Variants in FRMD5 observed in about 807,000 individuals in gnomAD.
FRMD5 encodes FERM domain containing 5.
In FRMD5, 20 loss-of-function variants were observed where a neutral mutation model predicts 69.0. The ratio of observed to expected loss-of-function variants is 0.29; its 90% CI spans 0.20 to 0.42. The LOEUF (loss-of-function observed/expected upper bound fraction) is 0.42, where lower values mean the gene tolerates loss of function less well. Among genes scored for constraint, FRMD5 ranks in the 10% least tolerant of loss-of-function variants. FRMD5 has a pLI of 1.00. For missense variants in FRMD5, 595 were observed against 708.6 expected (o/e 0.84, Z 1.82); for synonymous variants, 271 against 260.1 (o/e 1.04, Z -0.40).
chr15:43,987,077 G>C (rs527410308), intron 1 of FRMD5, among the ~76,000 whole-genome samples: 1 of 152,228 alleles, frequency 6.6e-6, no homozygotes, highest in Admixed American at 6.5e-5. Context: ...TCCACTGACA[G>C]GGTATTCCTC....
intron 1 of FRMD5, among the ~76,000 whole-genome samples, chr15:44,052,339 T>A (rs1892704066): frequency 6.6e-6 from 1 of 152,210 alleles, no homozygotes; most frequent in South Asian, 2.1e-4. Flanking sequence ...CCATTGTGTT[T>A]CTTTTGAGCA....
intron 2 of FRMD5, among the ~76,000 whole-genome samples, chr15:43,923,472 G>C (rs2089531355): frequency 6.6e-6 from 1 of 152,208 alleles, no homozygotes; most frequent in Admixed American, 6.5e-5. Flanking sequence ...GCTGGAAGAA[G>C]GGTGTGGAGT....
chr15:44,060,957 T>A (rs1353694566), intron 1 of FRMD5, among the ~76,000 whole-genome samples: 2 of 152,362 alleles, frequency 1.3e-5, no homozygotes, highest in East Asian at 3.9e-4. Context: ...TCCTCCACAG[T>A]ACTTAGACAT....
At chr15:44,073,609 T>C (rs1893631250) in intron 1 of FRMD5, among the ~76,000 whole-genome samples, 1 of 152,192 alleles carries the variant, frequency 6.6e-6, no homozygotes, top group African/African-American at 2.4e-5. Flanking sequence ...CATAGTTTCA[T>C]CCTTGGTTTT....
intron 1 of FRMD5, among the ~76,000 whole-genome samples, chr15:44,061,233 T>G (rs2140379698): frequency 6.6e-6 from 1 of 152,306 alleles, no homozygotes; most frequent in South Asian, 2.1e-4. Flanking sequence ...AACCTAGACA[T>G]TCCAGCTTTT....
intron 1 of FRMD5, among the ~76,000 whole-genome samples, chr15:44,060,163 C>T (rs1391152493): frequency 6.6e-6 from 1 of 152,182 alleles, no homozygotes; most frequent in Non-Finnish European, 1.5e-5. Context: ...GACACTGGCA[C>T]ATAAGAAAGC....
At chr15:44,100,683 CTA>C (rs1389271935) in intron 1 of FRMD5, among the ~76,000 whole-genome samples, 1 of 152,194 alleles carries the variant, frequency 6.6e-6, no homozygotes, top group Admixed American at 6.5e-5. Context: ...CAAGGAGGTG[CTA>C]TCTCCCAAGG....
intron 1 of FRMD5, chr15:43,989,608 G>T: frequency 1.2e-6 from 1 of 856,310 alleles, no homozygotes; most frequent in Non-Finnish European, 2.0e-6. Context: ...GCTAGGTGAG[G>T]ACCTTCATGA....
intron 1 of FRMD5, among the ~76,000 whole-genome samples, chr15:44,057,548 G>A (rs1278637345): frequency 1.3e-5 from 2 of 152,156 alleles, no homozygotes; most frequent in African/African-American, 4.8e-5. Context: ...GCTTCTCAAA[G>A]CTTCTCACTT....
At chr15:43,977,736 A>G (rs1191729622) in intron 1 of FRMD5, among the ~76,000 whole-genome samples, 1 of 152,176 alleles carries the variant, frequency 6.6e-6, no homozygotes, top group African/African-American at 2.4e-5. Flanking sequence ...TCTTTTACCA[A>G]TCTAGATTTA....
At chr15:43,983,654 T>C (rs1193269900) in intron 1 of FRMD5, among the ~76,000 whole-genome samples, 1 of 152,178 alleles carries the variant, frequency 6.6e-6, no homozygotes, top group Non-Finnish European at 1.5e-5. Context: ...TGAGCTCTAG[T>C]CTAAATCTAG....
intron 1 of FRMD5, among the ~76,000 whole-genome samples, chr15:44,095,766 C>T (rs983519262): frequency 3.9e-5 from 6 of 152,188 alleles, no homozygotes; most frequent in African/African-American, 1.4e-4. Flanking sequence ...GATAAAGGAA[C>T]TGCTCCTATA....
chr15:43,947,055 G>C (rs1268848339), intron 1 of FRMD5, among the ~76,000 whole-genome samples: 1 of 152,082 alleles, frequency 6.6e-6, no homozygotes, highest in Non-Finnish European at 1.5e-5. Flanking sequence ...TGGTTCAAAA[G>C]AAAAAGGAAC....
intron 10 of FRMD5, among the ~76,000 whole-genome samples, chr15:43,886,406 C>T (rs1312821954): frequency 6.6e-6 from 1 of 152,224 alleles, no homozygotes; most frequent in Non-Finnish European, 1.5e-5. Flanking sequence ...GCCTTTCTCC[C>T]TCCCCCAGGA....
At chr15:44,074,052 T>A (rs1033696415) in intron 1 of FRMD5, among the ~76,000 whole-genome samples, 1 of 152,194 alleles carries the variant, frequency 6.6e-6, no homozygotes, top group Non-Finnish European at 1.5e-5. Flanking sequence ...CCCTATCCTA[T>A]ATATCCATCC....
At chr15:43,932,674 C>A (rs1164240179) in intron 1 of FRMD5, among the ~76,000 whole-genome samples, 1 of 152,246 alleles carries the variant, frequency 6.6e-6, no homozygotes, top group Non-Finnish European at 1.5e-5. Flanking sequence ...GTCCTGATCT[C>A]TCTCAAAAAA....
chr15:44,188,944 G>C (rs1478086304), intron 1 of FRMD5, among the ~76,000 whole-genome samples: 1 of 152,012 alleles, frequency 6.6e-6, no homozygotes, highest in South Asian at 2.1e-4. Flanking sequence ...GTGGAAGGGT[G>C]GGGGGTTGAA....
intron 1 of FRMD5, among the ~76,000 whole-genome samples, chr15:44,100,200 T>C (rs1430875419): frequency 6.6e-6 from 1 of 151,660 alleles, no homozygotes; most frequent in Non-Finnish European, 1.5e-5. Context: ...ACTACAGGCA[T>C]GTGCCACCAC....
chr15:44,077,598 AT>A (rs1250254972), intron 1 of FRMD5, among the ~76,000 whole-genome samples: 1 of 152,122 alleles, frequency 6.6e-6, no homozygotes, highest in Non-Finnish European at 1.5e-5. Context: ...TTACCTTTTA[AT>A]AAAAATGAGT....
Sources: allele counts gnomAD v4.1 joint callset (sites outside exome capture counted in the v4.1 genomes callset), GRCh38; gene constraint gnomAD v4.1.1; transcripts MANE v1.5; gene names NCBI Gene and HGNC (gene_info 2026-07-23, HGNC 2026-07-21).